The following SPON1 variants were observed in gnomAD, a reference collection of about 807,000 sequenced individuals.
SPON1 encodes spondin-1.
Under a neutral mutation model 111.7 loss-of-function variants are expected in SPON1, and 52 were observed. The observed-to-expected ratio is 0.47, with a 90% confidence interval of 0.37 to 0.59. The LOEUF (loss-of-function observed/expected upper bound fraction) is 0.59, where lower values mean the gene tolerates loss of function less well. Among genes scored for constraint, SPON1 ranks in the 20% least tolerant of loss-of-function variants. SPON1 has a pLI of 0.00. For missense variants in SPON1, 957 were observed against 1,068.5 expected, an observed-to-expected ratio of 0.90 and a Z score of 1.46; for synonymous variants, 410 against 395.8, an observed-to-expected ratio of 1.04 and a Z score of -0.43.
chr11:14,055,309 G>A (rs565508260), intron 3 of SPON1, among the ~76,000 whole-genome samples: 2 of 152,238 alleles, frequency 1.3e-5, no homozygotes, highest in East Asian at 3.9e-4. Context: ...GAAAACTTTG[G>A]CAAATGTCCT....
intron 5 of SPON1, among the ~76,000 whole-genome samples, chr11:14,107,175 C>T (rs1554925015): frequency 6.6e-6 from 1 of 152,154 alleles, no homozygotes; most frequent in East Asian, 1.9e-4. Flanking sequence ...AAGAGGCTTT[C>T]TGGAGGGTTT....
chr11:13,982,972 T>G lies in SPON1; in HGVS notation c.345+19T>G. The G allele has an allele frequency of 6.7e-7, 1 of 1,490,608 alleles. No individual in the cohort carries two copies. The highest frequency in any genetic ancestry group is 9.2e-7 in the Non-Finnish European group (1 of 1,091,400). The allele number at this position is 1,490,608 out of a possible 1,614,324, so 92.3% of individuals were successfully genotyped here. ...CTTCCAGGTAAGACCCTGCCTGGGC[T>G]TATTCAGTGGCCCTCCCTGCCCTAG... On this transcript the variant is annotated intron_variant, in intron 2 of 15. Transcript: ENST00000576479.
At position 14,089,563 on chromosome 11, in the gene SPON1, T is replaced by G. The variant is rs143311029; in HGVS notation, c.676+9542T>G. 4.7e-4 allele frequency among the ~76,000 whole-genome samples: 72 copies of G among 152,334 alleles called. No individual in the cohort carries two copies. The East Asian group carries it at 0.013, about 27-fold the overall frequency. On this transcript the variant is annotated intron_variant, in intron 5 of 15. Transcript: ENST00000576479. ...AGCTGGAGCTCTCCTGTATGAGGTG[T>G]CTGTCAACCCCTGCTGGGAGGTCTC...
At chr11:14,253,627 G>A (rs1024869137) in intron 7 of SPON1, among the ~76,000 whole-genome samples, 2 of 152,238 alleles carry the variant, frequency 1.3e-5, no homozygotes, top group African/African-American at 4.8e-5. Flanking sequence ...CCAGCTGCCA[G>A]CTGGACTGAA....
intron 6 of SPON1, among the ~76,000 whole-genome samples, chr11:14,160,804 A>ATATATATT (rs1847926315): frequency 2.3e-5 from 1 of 44,406 alleles, no homozygotes; most frequent in Non-Finnish European, 3.8e-5. Context: ...ATATATTTTT[A>ATATATATT]TATATATTTT....
At position 14,254,516 on chromosome 11, in the gene SPON1, T is replaced by G. The variant is rs1201762879; in HGVS notation, c.891-12T>G. 1 of 1,583,646 alleles carries G rather than the reference T, an allele frequency of 6.3e-7. No homozygotes were observed. Among genetic ancestry groups the G allele is most frequent in the Non-Finnish European group, 8.6e-7 (1 of 1,165,302 alleles). Reference sequence around the variant, plus strand: ...GAACTCTAATATAATGGTCTCTGTATTTCGTTTCCAGGAGAGCAGCACCTT... The same window carrying G: ...GAACTCTAATATAATGGTCTCTGTAGTTCGTTTCCAGGAGAGCAGCACCTT... On this transcript the variant is annotated splice_polypyrimidine_tract_variant and intron_variant, in intron 7 of 15. Transcript: ENST00000576479.
intron 6 of SPON1, among the ~76,000 whole-genome samples, chr11:14,201,005 C>G (rs1335024242): frequency 3.9e-5 from 6 of 151,936 alleles, no homozygotes; most frequent in Non-Finnish European, 7.4e-5. Flanking sequence ...ACCTACCTCT[C>G]TGAGCCTCAG....
At chr11:14,031,267 G>A (rs563073837) in intron 2 of SPON1, among the ~76,000 whole-genome samples, 2 of 152,314 alleles carry the variant, frequency 1.3e-5, no homozygotes, top group Non-Finnish European at 2.9e-5. Flanking sequence ...CACTACCTGG[G>A]TGATGGGATC....
chr11:14,141,029 C>CACCCCA (rs1554928725), intron 6 of SPON1, among the ~76,000 whole-genome samples: 17 of 132,370 alleles, frequency 1.3e-4, no homozygotes, highest in Non-Finnish European at 1.6e-5. Flanking sequence ...GTGCCCCCCC[C>CACCCCA]ATGCCCCACT....
chr11:14,245,125 G>A (rs1554940113), intron 7 of SPON1, among the ~76,000 whole-genome samples: 1 of 152,192 alleles, frequency 6.6e-6, no homozygotes, highest in African/African-American at 2.4e-5. Context: ...GGGAGAAAAG[G>A]CGAAATCCAC....
At chr11:14,260,507 G>A (rs751299242) in intron 13 of SPON1, 81 bp from the exon 14 acceptor site, 267 of 1,474,458 alleles carry the variant, frequency 1.8e-4, no homozygotes, top group Non-Finnish European at 2.4e-4. Context: ...AGGGGACTCG[G>A]TGTGGAACAC....
At chr11:14,141,623 A>C (rs375789420) in intron 6 of SPON1, among the ~76,000 whole-genome samples, 6 of 152,332 alleles carry the variant, frequency 3.9e-5, no homozygotes, top group African/African-American at 9.6e-5. Flanking sequence ...CATGAGAAGC[A>C]ATAGACAAGC....
intron 5 of SPON1, among the ~76,000 whole-genome samples, chr11:14,085,619 T>A (rs2133835196): frequency 6.6e-6 from 1 of 152,350 alleles, no homozygotes; most frequent in African/African-American, 2.4e-5. Context: ...TAGGATTGTC[T>A]TGGCTATACA....
chr11:14,015,483 CATTG>C (rs1848438108), intron 2 of SPON1, among the ~76,000 whole-genome samples: 1 of 152,192 alleles, frequency 6.6e-6, no homozygotes, highest in Non-Finnish European at 1.5e-5. Context: ...AATAGTATCA[CATTG>C]ATTATTACTT....
intron 5 of SPON1, among the ~76,000 whole-genome samples, chr11:14,112,198 C>T (rs1849231719): frequency 1.3e-5 from 2 of 152,054 alleles, no homozygotes; most frequent in African/African-American, 4.8e-5. Context: ...AGATTATATG[C>T]TTGGAAAATA....
At chr11:14,085,766 C>T (rs1397123651) in intron 5 of SPON1, among the ~76,000 whole-genome samples, 6 of 152,150 alleles carry the variant, frequency 3.9e-5, no homozygotes, top group Non-Finnish European at 1.5e-5. Flanking sequence ...AATATTAATT[C>T]TTCCTATCCA....
At chr11:14,121,545 TGG>T (rs1554926511) in intron 5 of SPON1, among the ~76,000 whole-genome samples, 4 of 152,138 alleles carry the variant, frequency 2.6e-5, no homozygotes, top group Admixed American at 2.6e-4. Context: ...AGGCAAAAGA[TGG>T]GCTTTTGTGA....
Position 13,977,116 on chromosome 11 carries a change from G to C in SPON1, c.239-5731G>C, listed in dbSNP as rs946617442. Among the ~76,000 whole-genome samples, 3 of 152,150 alleles carry C rather than the reference G, an allele frequency of 2.0e-5. No homozygotes were observed. The East Asian group carries it at 5.8e-4, about 29-fold the overall frequency. On this transcript the variant is annotated intron_variant, in intron 1 of 15. Transcript: ENST00000576479. Reference sequence around the variant, plus strand: ...CCTATTCTAGGGCTGAAGGGCATTTGAGTATTTCCACTTGGATGCTACTAC... The same window carrying C: ...CCTATTCTAGGGCTGAAGGGCATTTCAGTATTTCCACTTGGATGCTACTAC...
intron 11 of SPON1, 110 bp downstream of exon 11, chr11:14,258,008 A>C: frequency 6.6e-6 from 7 of 1,055,350 alleles, no homozygotes; most frequent in Non-Finnish European, 9.1e-6. Flanking sequence ...CTGACAGTAG[A>C]TGTCAGTGGG....
Sources: allele counts gnomAD v4.1 joint callset (sites outside exome capture counted in the v4.1 genomes callset), GRCh38; gene constraint gnomAD v4.1.1; transcripts MANE v1.5; gene names NCBI Gene and HGNC (gene_info 2026-07-23, HGNC 2026-07-21).